ABAT: variants seen among roughly 807,000 people sequenced by gnomAD.
ABAT encodes 4-aminobutyrate aminotransferase, mitochondrial.
Under a neutral mutation model 64.6 loss-of-function variants are expected in ABAT, and 45 were observed. The observed-to-expected ratio is 0.70, with a 90% CI of 0.55 to 0.89. ABAT has a LOEUF of 0.89. Among genes scored for constraint, ABAT ranks in the 40% least tolerant of loss-of-function variants. The probability of loss-of-function intolerance (pLI) is 0.00; values close to 1 mark genes in which losing one functional copy is unlikely to be tolerated. For missense variants in ABAT, 633 were observed against 658.4 expected (o/e 0.96, Z 0.42); for synonymous variants, 297 against 250.5 (o/e 1.19, Z -1.75).
Position 8,755,256 on chromosome 16 carries a change from C to T in ABAT, c.317-2501C>T, listed in dbSNP as rs144931671. The stretch of plus-strand genomic sequence containing the variant: ...GCCTCCCTCCCTCTGGTCTTCTCGA[C>T]AGGGAGGTCCAGGTGCAACCACAAA... On this transcript the variant is annotated intron_variant, in intron 5 of 15. Coordinates refer to ENST00000268251, the MANE Select transcript of ABAT (RefSeq NM_020686.6). Among the ~76,000 whole-genome samples the T allele has an allele frequency of 1.9e-3, 283 of 152,182 alleles. 4 individuals are homozygous for T. Among genetic ancestry groups the T allele is most frequent in the South Asian group, 6.9e-3 (33 of 4,812 alleles).
chr16:8,762,793 C>T (rs1290946834), intron 6 of ABAT, among the ~76,000 whole-genome samples: 6 of 152,162 alleles, frequency 3.9e-5, no homozygotes, highest in Middle Eastern at 3.4e-3. Flanking sequence ...AGGTCAGAGC[C>T]AGAAGGAAAT....
rs766884332 is a variant in ABAT at position 8,776,424 on chromosome 16, G to A, written c.1203G>A (p.Arg401=). 1 of 1,614,196 alleles carries A rather than the reference G, an allele frequency of 6.2e-7. No homozygotes were observed. The highest frequency in any genetic ancestry group is 8.5e-7 in the Non-Finnish European group (1 of 1,180,034). The change falls in exon 14 of 16, where the codon CGG becomes CGA. Residue 401 remains arginine, a synonymous_variant. Transcript: ENST00000268251. This position sits in a 1 kb window ranked among gnomAD's most constrained non-coding sequence, Gnocchi z 4.4. ...CTGAGGTCATCAACATCATCAAGCG[G>A]GAGGACCTGCTAAATAATGCAGCCC... ...LLAEVINIIK[R]EDLLNNAAHA...
intron 14 of ABAT, among the ~76,000 whole-genome samples, chr16:8,778,973 C>A (rs73501442): frequency 0.039 from 5,909 of 152,250 alleles, 213 homozygotes; most frequent in African/African-American, 0.092. Flanking sequence ...CTCCCAGTCT[C>A]AAAGCCCTGA....
At chr16:8,780,102 C>T (rs750959186) in intron 15 of ABAT, among the ~76,000 whole-genome samples, 9 of 151,476 alleles carry the variant, frequency 5.9e-5, no homozygotes, top group South Asian at 2.1e-4. Flanking sequence ...GCATTCTGGG[C>T]GGAGGGAAGG....
intron 1 of ABAT, among the ~76,000 whole-genome samples, chr16:8,700,875 G>T (rs1182839787): frequency 6.6e-6 from 1 of 150,948 alleles, no homozygotes; most frequent in Non-Finnish European, 1.5e-5. Context: ...CAAAGTGCTG[G>T]CATTACAGGC....
At chr16:8,726,781 T>C (rs991136707) in intron 1 of ABAT, among the ~76,000 whole-genome samples, 2 of 152,166 alleles carry the variant, frequency 1.3e-5, no homozygotes, top group Non-Finnish European at 2.9e-5. Context: ...TTCTCCATAG[T>C]GGTTGTACTA....
At chr16:8,738,514 T>G in intron 2 of ABAT, 1 of 453,920 alleles carries the variant, frequency 2.2e-6, no homozygotes, top group South Asian at 1.6e-5. Context: ...TGTGACAGTT[T>G]CTCAGTCTTT....
chr16:8,678,943 C>G (rs2057266693), intron 1 of ABAT, among the ~76,000 whole-genome samples: 1 of 151,946 alleles, frequency 6.6e-6, no homozygotes, highest in East Asian at 1.9e-4. Context: ...TTAAAAGGAC[C>G]TAGATAGTAT....
At chr16:8,766,352 G>A (rs1246301958) in intron 9 of ABAT, 82 bp downstream of exon 9, 12 of 1,404,772 alleles carry the variant, frequency 8.5e-6, no homozygotes, top group African/African-American at 1.4e-5. Context: ...GGCTGGCACT[G>A]TCCTCAATTA....
intron 2 of ABAT, among the ~76,000 whole-genome samples, chr16:8,738,008 GA>G (rs374080280): frequency 0.095 from 11,477 of 120,220 alleles, 1,997 homozygotes; most frequent in South Asian, 0.14. Context: ...AAGAAAGAAA[GA>G]AAGAAAGGAA....
At chr16:8,732,887 C>T (rs1462499293) in intron 1 of ABAT, among the ~76,000 whole-genome samples, 2 of 149,930 alleles carry the variant, frequency 1.3e-5, no homozygotes. Context: ...CGGGCAGAGG[C>T]GCCCCTCACC....
intron 1 of ABAT, among the ~76,000 whole-genome samples, chr16:8,690,246 C>T (rs995086614): frequency 6.6e-5 from 10 of 152,296 alleles, no homozygotes; most frequent in East Asian, 1.9e-4. Flanking sequence ...CCCAGCCTGG[C>T]GAGTGTCTTG....
In ABAT at chr16:8,772,903, G is replaced by A; in HGVS notation, c.940G>A (p.Asp314Asn). Residue 314 changes from aspartate to asparagine, a missense_variant, in exon 12 of 16, where the codon GAC (aspartate) becomes AAC (asparagine). Asp to Asn is a conservative substitution (Grantham distance 23). Coordinates refer to ENST00000268251, the MANE Select transcript of ABAT (RefSeq NM_020686.6). ...ASDDFFRKLR[D>N]IARKHGCAFL... ...CGATGACTTCTTTCGGAAGCTGAGA[G>A]ACATCGCCAGGAAGGTCAGTGGACA... 1 of 1,613,862 alleles carries A rather than the reference G, an allele frequency of 6.2e-7. No homozygotes were observed. Among genetic ancestry groups the A allele is most frequent in the South Asian group, 1.1e-5 (1 of 91,056 alleles).
rs1220334771 is a variant in ABAT at position 8,776,730 on chromosome 16, T to C, written c.1269+240T>C. On this transcript the variant is annotated intron_variant, in intron 14 of 15. Transcript: ENST00000268251. The surrounding 1 kb of genome is among the most constrained non-coding windows in gnomAD (Gnocchi z 4.4). ...AACTCCTGGTTTTCTTTGTTGTTGTTTTTTTTAATTTATTTTTTATTTTTT... is the reference window on the plus strand; with the variant it reads ...AACTCCTGGTTTTCTTTGTTGTTGTCTTTTTTAATTTATTTTTTATTTTTT... Among the ~76,000 whole-genome samples, 3 of 152,154 alleles carry C rather than the reference T, an allele frequency of 2.0e-5. No homozygotes were observed. Among genetic ancestry groups the C allele is most frequent in the African/African-American group, 7.2e-5 (3 of 41,430 alleles).
intron 8 of ABAT, chr16:8,765,700 C>T (rs1268362623): frequency 6.7e-6 from 1 of 148,696 alleles, no homozygotes; most frequent in African/African-American, 2.6e-5. Flanking sequence ...GAAACGAAAA[C>T]AAAAACAAAA....
intron 14 of ABAT, 96 bp from the exon 15 acceptor site, chr16:8,779,383 T>C: frequency 9.6e-7 from 1 of 1,036,962 alleles, no homozygotes; most frequent in Non-Finnish European, 1.5e-6. Context: ...AGGCCGAGGC[T>C]GGACCATGGG....
At chr16:8,675,000 G>C (rs1440689090) in intron 1 of ABAT, among the ~76,000 whole-genome samples, 4 of 152,154 alleles carry the variant, frequency 2.6e-5, no homozygotes, top group Non-Finnish European at 5.9e-5. Context: ...CCAAAAAGTG[G>C]TCTCCAGGTC....
At position 8,737,985 on chromosome 16, in the gene ABAT, GA is replaced by G. The variant is rs1555488658; in HGVS notation, c.70+2178del. Among the ~76,000 whole-genome samples the G allele has an allele frequency of 7.3e-4, 3 of 4,110 alleles. 1 individual carries two copies. Among genetic ancestry groups the G allele is most frequent in the African/African-American group, 2.5e-3 (3 of 1,216 alleles). The allele number at this position is 4,110 out of a possible 152,430, so 2.7% of individuals were successfully genotyped here. A position where few individuals can be genotyped will look rare whatever the true frequency, so the allele number is the denominator to read the frequency against. The stretch of plus-strand genomic sequence containing the variant: ...GGAAGGAAGGAAGGAAGGAAGGAAG[GA>G]AGGAGGAAAGAAAGAAAGAAAGAAA... On this transcript the variant is annotated intron_variant, in intron 2 of 15. Transcript: ENST00000268251.
intron 13 of ABAT, among the ~76,000 whole-genome samples, chr16:8,775,618 A>C (rs1167695889): frequency 2.0e-5 from 3 of 152,066 alleles, no homozygotes; most frequent in African/African-American, 7.2e-5. Flanking sequence ...CACCATTCCT[A>C]CATGTAGTTT....
Sources: allele counts gnomAD v4.1 joint callset (sites outside exome capture counted in the v4.1 genomes callset), GRCh38; gene constraint gnomAD v4.1.1; non-coding constraint Gnocchi (gnomAD v3.1); transcripts MANE v1.5; gene names NCBI Gene and HGNC (gene_info 2026-07-23, HGNC 2026-07-21).